ASB15: variants seen among roughly 807,000 people sequenced by gnomAD.
ASB15 encodes ankyrin repeat and SOCS box protein 15.
ASB15 carries 54 observed loss-of-function variants against 58.0 expected under a neutral mutation model. That is an observed-to-expected ratio of 0.93 (90% CI 0.75 to 1.17). The LOEUF (loss-of-function observed/expected upper bound fraction) is 1.17, where lower values mean the gene tolerates loss of function less well. Ranked by LOEUF, ASB15 falls within the 50% of genes most tolerant of loss-of-function variation. The pLI is 0.00. For synonymous variants in ASB15, 249 were observed against 262.4 expected (o/e 0.95, Z 0.50); for missense variants, 680 against 707.4 (o/e 0.96, Z 0.44).
intron 4 of ASB15, among the ~76,000 whole-genome samples, chr7:123,615,704 A>T (rs1800756838): frequency 6.6e-6 from 1 of 152,218 alleles, no homozygotes; most frequent in African/African-American, 2.4e-5. Flanking sequence ...TAAAACTCGC[A>T]TATGTAGTTT....
At chr7:123,573,404 A>G (rs1354850577) in intron 1 of ASB15, among the ~76,000 whole-genome samples, 1 of 150,402 alleles carries the variant, frequency 6.6e-6, no homozygotes, top group African/African-American at 2.5e-5. Context: ...CATTTTGCCT[A>G]GAGCTCCCAG....
At chr7:123,620,525 TATATATATATATATATATATA>T (rs1801191565) in intron 7 of ASB15, among the ~76,000 whole-genome samples, 2 of 16,374 alleles carry the variant, frequency 1.2e-4, no homozygotes, top group African/African-American at 1.8e-4. Context: ...TATATATATA[TATATATATATATATATATATA>T]TATATATATT....
intron 1 of ASB15, among the ~76,000 whole-genome samples, chr7:123,574,595 T>A (rs1043954252): frequency 1.3e-5 from 2 of 152,144 alleles, no homozygotes; most frequent in African/African-American, 4.8e-5. Flanking sequence ...CTTCAGCCAT[T>A]TCCTACTGCC....
chr7:123,598,327 TA>T (rs1157677822), upstream of ASB15, among the ~76,000 whole-genome samples: 15 of 152,182 alleles, frequency 9.9e-5, no homozygotes, highest in African/African-American at 3.6e-4. Flanking sequence ...TATTACACAG[TA>T]GGAAACTGAA....
Position 123,639,471 on chromosome 7 carries a change from T to G in ASB15, c.*2490T>G, listed in dbSNP as rs1332275032. ...TATGATACTTCATATATTAAACTTT[T>G]GCTCACTAAAGCTGTGACATTTTCT... is the stretch of plus-strand genomic sequence containing the variant. On this transcript the variant is annotated 3_prime_UTR_variant, in exon 12 of 12. Transcript: ENST00000451215. 6.6e-6 allele frequency: 1 copy of G among 152,244 alleles called. No individual in the cohort carries two copies. The highest frequency in any genetic ancestry group is 1.5e-5 in the Non-Finnish European group (1 of 68,034). The allele number at this position is 152,244 out of a possible 1,614,324, so 9.4% of individuals were successfully genotyped here.
intron 7 of ASB15, among the ~76,000 whole-genome samples, chr7:123,619,005 C>G (rs1801028789): frequency 6.6e-6 from 1 of 151,750 alleles, no homozygotes; most frequent in Non-Finnish European, 1.5e-5. Flanking sequence ...GAAACCCCGT[C>G]TCTACTAAAA....
chr7:123,617,834 T>C, intron 7 of ASB15, 97 bp downstream of exon 7: 1 of 1,216,582 alleles, frequency 8.2e-7, no homozygotes, highest in Admixed American at 2.6e-5. Flanking sequence ...TGATCTCAGT[T>C]CCTTCCATTC....
At chr7:123,608,488 CT>C (rs1324280617) in intron 2 of ASB15, 105 bp from the exon 3 acceptor site, 1 of 151,966 alleles carries the variant, frequency 6.6e-6, no homozygotes, top group African/African-American at 2.4e-5. Context: ...GTTTTTTGGA[CT>C]AAGATTGTTT....
intron 1 of ASB15, among the ~76,000 whole-genome samples, chr7:123,567,767 C>T (rs1798800345): frequency 6.6e-6 from 1 of 151,564 alleles, no homozygotes; most frequent in Admixed American, 6.6e-5. Flanking sequence ...GTAGCAAAAG[C>T]GAAAATAACC....
At chr7:123,603,252 G>A (rs762558532) in intron 1 of ASB15, among the ~76,000 whole-genome samples, 26 of 152,054 alleles carry the variant, frequency 1.7e-4, no homozygotes, top group Non-Finnish European at 2.9e-4. Context: ...CCCTGTGCCT[G>A]GAACACAACA....
chr7:123,615,810 C>T (rs973506962), intron 4 of ASB15, among the ~76,000 whole-genome samples: 1 of 152,046 alleles, frequency 6.6e-6, no homozygotes, highest in African/African-American at 2.4e-5. Context: ...TTAGAAAAAC[C>T]TAGAGATCTT....
At chr7:123,621,126 A>G (rs988911711) in intron 7 of ASB15, among the ~76,000 whole-genome samples, 6 of 152,338 alleles carry the variant, frequency 3.9e-5, no homozygotes, top group African/African-American at 1.4e-4. Context: ...CTTAAGGCCT[A>G]CAACAGAGCA....
At chr7:123,610,667 T>A (rs1800386192) in intron 3 of ASB15, among the ~76,000 whole-genome samples, 1 of 152,170 alleles carries the variant, frequency 6.6e-6, no homozygotes, top group African/African-American at 2.4e-5. Context: ...AATCCATAGC[T>A]TTTATCAAAT....
intron 3 of ASB15, among the ~76,000 whole-genome samples, chr7:123,612,601 C>T (rs779610957): frequency 6.6e-6 from 1 of 151,858 alleles, no homozygotes; most frequent in Non-Finnish European, 1.5e-5. Flanking sequence ...AGCTGGAGGG[C>T]CTCGTGAATA....
At chr7:123,626,029 T>C (rs1184029814) in intron 8 of ASB15, among the ~76,000 whole-genome samples, 1 of 152,172 alleles carries the variant, frequency 6.6e-6, no homozygotes, top group Non-Finnish European at 1.5e-5. Context: ...TGTCTCCTTG[T>C]CTTAATGTCA....
chr7:123,622,498 A>C (rs1262768400), intron 7 of ASB15, among the ~76,000 whole-genome samples: 1 of 152,192 alleles, frequency 6.6e-6, no homozygotes, highest in Non-Finnish European at 1.5e-5. Flanking sequence ...ATTTCAAAAA[A>C]TTAAATTGGA....
At chr7:123,608,490 A>G (rs1335748786) in intron 2 of ASB15, 104 bp from the exon 3 acceptor site, 2 of 152,138 alleles carry the variant, frequency 1.3e-5, no homozygotes, top group African/African-American at 4.8e-5. Context: ...TTTTTGGACT[A>G]AGATTGTTTG....
Position 123,624,561 on chromosome 7 carries a change from T to C in ASB15, c.452-8T>C. ...TACTTACTGTTGTTTTTAACAATCA[T>C]TTTCAAGCTGTGAAAAAGGGCTCCT... is the stretch of plus-strand genomic sequence containing the variant. On this transcript the variant is annotated splice_polypyrimidine_tract_variant and splice_region_variant and intron_variant, in intron 7 of 11. Transcript: ENST00000451215. The C allele has an allele frequency of 6.2e-7, 1 of 1,609,576 alleles. No individual in the cohort carries two copies. The highest frequency in any genetic ancestry group is 1.1e-5 in the South Asian group (1 of 90,938).
In ASB15 at chr7:123,572,131, CTTTTTTTTTTTT is replaced by C. The variant is rs61198371; in HGVS notation, c.-443+5060_-443+5071del. Among the ~76,000 whole-genome samples the C allele has an allele frequency of 7.1e-4, 34 of 47,998 alleles. 1 individual carries two copies. Among genetic ancestry groups the C allele is most frequent in the South Asian group, 1.1e-3 (1 of 878 alleles). 31.5% of individuals were successfully genotyped at this position (47,998 alleles called of 152,430 possible). On this transcript the variant is annotated intron_variant, in intron 1 of 13. Coordinates refer to the ASB15 transcript ENST00000451558. ...TGATTTTACAGTGATTGTAGAATTT[CTTTTTTTTTTTT>C]TTTTTTTTTTTTTTTTGGAGACAGA...
Sources: gnomAD v4.1 joint callset for allele counts (sites outside exome capture counted in the v4.1 genomes callset) on GRCh38, gnomAD v4.1.1 for gene constraint, MANE v1.5 for transcripts, NCBI Gene and HGNC (gene_info 2026-07-23, HGNC 2026-07-21) for gene names.